Variants in SPON1 observed in about 807,000 individuals in gnomAD.
SPON1 encodes the protein spondin-1.
In SPON1, 52 loss-of-function variants were observed where a neutral mutation model predicts 111.7. The observed-to-expected ratio is 0.47, with a 90% CI of 0.37 to 0.59. The LOEUF (loss-of-function observed/expected upper bound fraction) is 0.59. Ranked by LOEUF, SPON1 falls within the 20% of genes least tolerant of loss-of-function variation. The pLI is 0.00. For synonymous variants in SPON1, 410 were observed against 395.8 expected, an observed-to-expected ratio of 1.04 and a Z score of -0.43; for missense variants, 957 against 1,068.5, an observed-to-expected ratio of 0.90 and a Z score of 1.46.
At chr11:14,254,964 G>A (rs997581514) in intron 8 of SPON1, among the ~76,000 whole-genome samples, 1 of 152,194 alleles carries the variant, frequency 6.6e-6, no homozygotes, top group African/African-American at 2.4e-5. Context: ...CAGGTGAGCA[G>A]GGGACAGCAT....
chr11:14,155,397 T>C (rs977204682), intron 6 of SPON1, among the ~76,000 whole-genome samples: 3 of 152,162 alleles, frequency 2.0e-5, no homozygotes, highest in Admixed American at 6.5e-5. Flanking sequence ...TCAGGAAATA[T>C]ACAATCATGG....
Position 14,243,328 on chromosome 11 carries a change from G to T in SPON1, c.826-4G>T. 6.3e-7 allele frequency: 1 copy of T among 1,577,944 alleles called. No homozygotes were observed. Among genetic ancestry groups the T allele is most frequent in the Non-Finnish European group, 8.6e-7 (1 of 1,161,114 alleles). On this transcript the variant is annotated splice_polypyrimidine_tract_variant and splice_region_variant and intron_variant, in intron 6 of 15. Transcript: ENST00000576479. Reference sequence around the variant, plus strand: ...CACTAAATATTTGTGGTCCTTTTTTGCAGAGTGATGAGGTCCTCACCGTCA... The same window carrying T: ...CACTAAATATTTGTGGTCCTTTTTTTCAGAGTGATGAGGTCCTCACCGTCA...
intron 2 of SPON1, among the ~76,000 whole-genome samples, chr11:13,988,505 T>C (rs1386521214): frequency 6.6e-6 from 1 of 152,192 alleles, no homozygotes; most frequent in Admixed American, 6.5e-5. Flanking sequence ...AGAGACAATT[T>C]GACTTCCTCT....
chr11:14,161,022 T>C (rs1193157263), intron 6 of SPON1, among the ~76,000 whole-genome samples: 4 of 90,480 alleles, frequency 4.4e-5, no homozygotes, highest in African/African-American at 4.8e-5. Flanking sequence ...TATATATCTA[T>C]ATATATTTAT....
chr11:14,045,324 C>G (rs1848660131), intron 3 of SPON1, among the ~76,000 whole-genome samples: 1 of 152,224 alleles, frequency 6.6e-6, no homozygotes, highest in East Asian at 1.9e-4. Flanking sequence ...AATCCCAGCA[C>G]TTTGGGAGGC....
chr11:14,168,126 T>G (rs1168991328), intron 6 of SPON1, among the ~76,000 whole-genome samples: 2 of 152,176 alleles, frequency 1.3e-5, no homozygotes, highest in Non-Finnish European at 2.9e-5. Flanking sequence ...GCATAGCTAG[T>G]AGGCATGGCT....
Position 13,962,874 on chromosome 11 carries a change from C to A in SPON1, c.-31C>A, listed in dbSNP as rs1554907606. ...GCAGGAGTCGCGTGGCGAAGGCCTG[C>A]GGCCGCGGCACAAAGTTGGGGGCCG... On this transcript the variant is annotated 5_prime_UTR_variant, in exon 1 of 16. Transcript: ENST00000576479. The A allele has an allele frequency of 2.1e-6, 3 of 1,429,652 alleles. No homozygotes were observed. The highest frequency in any genetic ancestry group is 1.8e-6 in the Non-Finnish European group (2 of 1,097,542). The allele number at this position is 1,429,652 out of a possible 1,614,324, so 88.6% of individuals were successfully genotyped here. A position where few individuals can be genotyped will look rare whatever the true frequency, so the allele number is the denominator to read the frequency against.
chr11:14,180,494 C>T (rs1848225925), intron 6 of SPON1, among the ~76,000 whole-genome samples: 1 of 152,222 alleles, frequency 6.6e-6, no homozygotes, highest in South Asian at 2.1e-4. Context: ...TCCCCTACTC[C>T]TTTCATCGGC....
At chr11:14,033,803 T>C (rs1848575683) in intron 2 of SPON1, among the ~76,000 whole-genome samples, 1 of 152,228 alleles carries the variant, frequency 6.6e-6, no homozygotes, top group South Asian at 2.1e-4. Flanking sequence ...CTTGTCTACC[T>C]GTCTAAACTT....
chr11:14,255,860 C>G, intron 9 of SPON1, 73 bp downstream of exon 9: 3 of 1,498,870 alleles, frequency 2.0e-6, no homozygotes, highest in Non-Finnish European at 2.7e-6. Context: ...CACCCTTCTG[C>G]TCTAGAATCA....
At chr11:14,210,098 T>G (rs1011679575) in intron 6 of SPON1, among the ~76,000 whole-genome samples, 1 of 152,220 alleles carries the variant, frequency 6.6e-6, no homozygotes, top group Non-Finnish European at 1.5e-5. Flanking sequence ...GCCCACTTTT[T>G]GATGGGGTTG....
intron 6 of SPON1, among the ~76,000 whole-genome samples, chr11:14,173,630 A>G (rs1848136431): frequency 6.6e-6 from 1 of 151,694 alleles, no homozygotes; most frequent in Non-Finnish European, 1.5e-5. Flanking sequence ...GGTTTTATCT[A>G]CCTTTTGTCT....
At chr11:14,126,303 C>T (rs1235592574) in intron 5 of SPON1, among the ~76,000 whole-genome samples, 7 of 152,198 alleles carry the variant, frequency 4.6e-5, no homozygotes, top group African/African-American at 1.7e-4. Flanking sequence ...ACCATGCACC[C>T]TGTCTCCTTC....
chr11:14,135,313 C>T lies in SPON1; in HGVS notation c.677-107C>T. 7.9e-7 allele frequency: 1 copy of T among 1,270,768 alleles called. No individual in the cohort carries two copies. Among genetic ancestry groups the T allele is most frequent in the Non-Finnish European group, 1.1e-6 (1 of 906,460 alleles). The allele number at this position is 1,270,768 out of a possible 1,614,324, so 78.7% of individuals were successfully genotyped here. On this transcript the variant is annotated intron_variant, in intron 5 of 15. Coordinates refer to ENST00000576479, the MANE Select transcript of SPON1 (RefSeq NM_006108.4). This position sits in a 1 kb window ranked among gnomAD's most constrained non-coding sequence, Gnocchi z 4.4. ...GCCTAAGACAGAATAGGTGCTTAGT[C>T]AGTGCTCTTTGAATCGATGTCCAAT...
chr11:14,099,954 T>TC (rs1254110148), intron 5 of SPON1, among the ~76,000 whole-genome samples: 1 of 152,038 alleles, frequency 6.6e-6, no homozygotes, highest in Non-Finnish European at 1.5e-5. Context: ...GAGAACTCAC[T>TC]CATCACCAAG....
chr11:14,093,483 G>A (rs1174542810), intron 5 of SPON1, among the ~76,000 whole-genome samples: 2 of 152,138 alleles, frequency 1.3e-5, no homozygotes, highest in Admixed American at 6.5e-5. Flanking sequence ...ATATGACATC[G>A]GTTTTAATGC....
intron 7 of SPON1, among the ~76,000 whole-genome samples, chr11:14,246,817 A>G (rs528475642): frequency 6.6e-6 from 1 of 152,226 alleles, no homozygotes; most frequent in Non-Finnish European, 1.5e-5. Context: ...TATGAAGGAA[A>G]GGCATAAAGT....
chr11:14,242,699 C>T (rs868979500), intron 6 of SPON1, among the ~76,000 whole-genome samples: 8 of 152,326 alleles, frequency 5.3e-5, no homozygotes, highest in Admixed American at 1.3e-4. Flanking sequence ...CAAATTATTC[C>T]TCAAAAAATT....
chr11:13,981,314 AT>A (rs1161741354), intron 1 of SPON1, among the ~76,000 whole-genome samples: 1 of 151,884 alleles, frequency 6.6e-6, no homozygotes, highest in African/African-American at 2.4e-5. Flanking sequence ...CTTGAGCTAG[AT>A]TTTTTTTGTT....
Sources: allele counts gnomAD v4.1 joint callset (sites outside exome capture counted in the v4.1 genomes callset), GRCh38; gene constraint gnomAD v4.1.1; non-coding constraint Gnocchi (gnomAD v3.1); transcripts MANE v1.5; gene names NCBI Gene and HGNC (gene_info 2026-07-23, HGNC 2026-07-21).